HS1BP3: variants seen among roughly 807,000 people sequenced by gnomAD.
HS1BP3 encodes the protein HCLS1-binding protein 3.
In HS1BP3, 32 loss-of-function variants were observed where a neutral mutation model predicts 33.5. That is an observed-to-expected ratio of 0.95 (90% CI 0.72 to 1.28). The LOEUF is 1.28. HS1BP3 is among the 50% of genes most tolerant of loss of function. HS1BP3 has a pLI of 0.00. For missense variants in HS1BP3, 486 were observed against 502.3 expected (o/e 0.97, Z 0.31); for synonymous variants, 187 against 209.2 (o/e 0.89, Z 0.92).
chr2:20,641,102 G>T lies in HS1BP3; in HGVS notation c.277C>A (p.Leu93Ile). The T allele has an allele frequency of 6.2e-7, 1 of 1,613,778 alleles. No individual in the cohort carries two copies. Among genetic ancestry groups the T allele is most frequent in the Non-Finnish European group, 8.5e-7 (1 of 1,180,016 alleles). ...SRYAAASLPP[L>I]PRKVLFVGES... is the part of the protein sequence containing the mutation. The stretch of plus-strand genomic sequence containing the variant: ...CCAACAAACAGGACCTTCCTGGGTA[G>T]TGGGGGGAGGCTGGCTGCTGCATAA... Residue 93 changes from leucine (L) to isoleucine (I), a missense_variant, in exon 3 of 7, where the codon CTA (leucine) becomes ATA (isoleucine). Physicochemically the swap from Leu to Ile is conservative, Grantham distance 5 (BLOSUM62 2). Transcript: ENST00000304031.
intron 5 of HS1BP3, among the ~76,000 whole-genome samples, chr2:20,562,110 C>G (rs1693014754): frequency 6.6e-6 from 1 of 152,308 alleles, no homozygotes; most frequent in Middle Eastern, 3.4e-3. Context: ...GCTCCATGCC[C>G]CTTTCCCCAT....
intron 1 of HS1BP3, 55 bp from the exon 2 acceptor site, chr2:20,645,560 G>C (rs1274558209): frequency 6.5e-7 from 1 of 1,543,100 alleles, no homozygotes; most frequent in Non-Finnish European, 8.7e-7. Flanking sequence ...TAGGCTTCCC[G>C]AGCAAAGTGC....
chr2:20,650,471 C>A lies in HS1BP3; in HGVS notation c.32+561G>T, dbSNP rs144541369. Among the ~76,000 whole-genome samples the A allele has an allele frequency of 3.7e-3, 567 of 152,316 alleles. 2 individuals are homozygous for A. The highest frequency in any genetic ancestry group is 6.6e-3 in the Non-Finnish European group (450 of 68,030). ...ACTTGCGCTCTCCTGAGCTGCCTCG[C>A]AAGCAGCAACGACCTCTCCCTGGTC... is the stretch of plus-strand genomic sequence containing the variant. On this transcript the variant is annotated intron_variant, in intron 1 of 6. Transcript: ENST00000304031.
intron 1 of HS1BP3, 99 bp from the exon 2 acceptor site, chr2:20,645,604 T>A: frequency 8.0e-7 from 1 of 1,248,056 alleles, no homozygotes; most frequent in Non-Finnish European, 1.1e-6. Flanking sequence ...CAGGCCTGGG[T>A]GCCAGGTGAC....
chr2:20,614,105 C>T (rs1398767833), downstream of HS1BP3, among the ~76,000 whole-genome samples: 3 of 152,082 alleles, frequency 2.0e-5, no homozygotes, highest in Non-Finnish European at 4.4e-5. Flanking sequence ...AGGAGAGAAA[C>T]TCATATGAAG....
chr2:20,630,186 T>C (rs1346048240), intron 4 of HS1BP3, among the ~76,000 whole-genome samples: 1 of 152,256 alleles, frequency 6.6e-6, no homozygotes, highest in Non-Finnish European at 1.5e-5. Flanking sequence ...TCCTTGCCAA[T>C]GATGCAAACT....
chr2:20,632,362 T>A (rs1572351603), intron 4 of HS1BP3, among the ~76,000 whole-genome samples: 1 of 152,192 alleles, frequency 6.6e-6, no homozygotes, highest in East Asian at 1.9e-4. Context: ...TAGCTGTCCT[T>A]GCAGTGGGGA....
chr2:20,622,191 T>C, intron 6 of HS1BP3: 1 of 1,292,974 alleles, frequency 7.7e-7, no homozygotes, highest in East Asian at 5.6e-5. Flanking sequence ...AATGAATGGC[T>C]ATCAGAACAT....
In HS1BP3 at chr2:20,619,004, C is replaced by T. The variant is rs3732149; in HGVS notation, c.1162G>A (p.Ala388Thr). ...TGGAAGGGTCAGAAGAGGCTGGGGG[C>T]GGCCTGGGCTGGTGTATCGTGGTCC... Reference protein sequence around the residue: ...IQDHDTPAQAAPSLF With the variant: ...IQDHDTPAQATPSLF The change falls in exon 7 of 7, where the codon GCC becomes ACC. Residue 388 changes from alanine to threonine, a missense_variant. By Grantham distance (58) the Ala-to-Thr change is moderately conservative. Coordinates refer to ENST00000304031, the MANE Select transcript of HS1BP3 (RefSeq NM_022460.4). 326,702 of 1,613,200 alleles carry T rather than the reference C, an allele frequency of 0.2. 34,443 individuals are homozygous for T. The highest frequency in any genetic ancestry group is 0.22 in the Non-Finnish European group (255,873 of 1,179,558).
chr2:20,588,636 G>A (rs1007058877), downstream of HS1BP3, among the ~76,000 whole-genome samples: 3 of 152,212 alleles, frequency 2.0e-5, no homozygotes, highest in South Asian at 2.1e-4. Context: ...CTTCCAAGCC[G>A]ATTTTTCTGC....
intron 5 of HS1BP3, among the ~76,000 whole-genome samples, chr2:20,571,647 T>C (rs1693277016): frequency 6.6e-6 from 1 of 152,144 alleles, no homozygotes; most frequent in Non-Finnish European, 1.5e-5. Flanking sequence ...GCTCACTCCC[T>C]CCAGCCTCCT....
In HS1BP3 at chr2:20,618,542, T is replaced by A; in HGVS notation, c.*445A>T. 5.2e-6 allele frequency: 1 copy of A among 194,124 alleles called. No individual in the cohort carries two copies. Among genetic ancestry groups the A allele is most frequent in the Non-Finnish European group, 9.8e-6 (1 of 102,530 alleles). 12.0% of individuals were successfully genotyped at this position (194,124 alleles called of 1,614,324 possible). ...GGGGAGGATACCGGTCACTCCTTCT[T>A]ACTATGCGAACAGAGGCAGAGGAGG... On this transcript the variant is annotated 3_prime_UTR_variant, in exon 7 of 7. Coordinates refer to ENST00000304031, the MANE Select transcript of HS1BP3 (RefSeq NM_022460.4).
At chr2:20,631,580 A>G (rs1694970633) in intron 4 of HS1BP3, among the ~76,000 whole-genome samples, 1 of 147,412 alleles carries the variant, frequency 6.8e-6, no homozygotes, top group Non-Finnish European at 1.5e-5. Context: ...GTCACCATGA[A>G]CGTTTATCAT....
intron 4 of HS1BP3, among the ~76,000 whole-genome samples, chr2:20,627,798 A>G (rs1195405493): frequency 6.6e-6 from 1 of 152,132 alleles, no homozygotes; most frequent in Admixed American, 6.5e-5. Context: ...GGTGCCTAAA[A>G]GCCCCAGGGT....
intron 5 of HS1BP3, among the ~76,000 whole-genome samples, chr2:20,584,228 G>A (rs73919923): frequency 0.042 from 6,425 of 152,300 alleles, 438 homozygotes; most frequent in African/African-American, 0.14. Flanking sequence ...GTTTCCCAGA[G>A]GCTGTGCTGG....
downstream of HS1BP3, among the ~76,000 whole-genome samples, chr2:20,587,926 G>A (rs551263132): frequency 3.3e-5 from 5 of 152,050 alleles, no homozygotes; most frequent in South Asian, 6.2e-4. Context: ...CTCAACGTCC[G>A]GGCCTCTTCC....
intron 3 of HS1BP3, among the ~76,000 whole-genome samples, chr2:20,594,922 T>C (rs1249663602): frequency 6.6e-6 from 1 of 152,170 alleles, no homozygotes; most frequent in Non-Finnish European, 1.5e-5. Flanking sequence ...CTCTGTCCTA[T>C]GCCCTAATCT....
At chr2:20,576,929 A>G (rs1231250171) in intron 5 of HS1BP3, among the ~76,000 whole-genome samples, 1 of 152,212 alleles carries the variant, frequency 6.6e-6, no homozygotes, top group Admixed American at 6.5e-5. Flanking sequence ...GTGGCAAACA[A>G]ATGATGGGGA....
intron 5 of HS1BP3, among the ~76,000 whole-genome samples, chr2:20,575,171 C>A (rs1232741448): frequency 6.6e-6 from 1 of 152,228 alleles, no homozygotes; most frequent in Non-Finnish European, 1.5e-5. Flanking sequence ...ACTTTTGGAA[C>A]AATGGGCTCT....
Sources: gnomAD v4.1 joint callset for allele counts (sites outside exome capture counted in the v4.1 genomes callset) on GRCh38, gnomAD v4.1.1 for gene constraint, MANE v1.5 for transcripts, NCBI Gene and HGNC (gene_info 2026-07-23, HGNC 2026-07-21) for gene names.